CKAP5: variants seen among roughly 807,000 people sequenced by gnomAD.
CKAP5 encodes the protein cytoskeleton associated protein 5, also known as cytoskeleton-associated protein 5.
A neutral mutation model predicts 232.8 loss-of-function variants in CKAP5; 27 were observed. The observed-to-expected ratio is 0.12, with a 90% CI of 0.09 to 0.16. The LOEUF (loss-of-function observed/expected upper bound fraction) is 0.16, where lower values mean the gene tolerates loss of function less well. Ranked by LOEUF, CKAP5 falls within the 10% of genes least tolerant of loss-of-function variation. The probability of loss-of-function intolerance (pLI) is 1.00; values close to 1 mark genes in which losing one functional copy is unlikely to be tolerated. For missense variants in CKAP5, 1,838 were observed against 2,424.7 expected (o/e 0.76, Z 5.08); for synonymous variants, 785 against 841.1 (o/e 0.93, Z 1.16).
intron 14 of CKAP5, 29 bp from the exon 15 acceptor site, chr11:46,790,215 A>C: frequency 6.8e-7 from 1 of 1,470,252 alleles, no homozygotes; most frequent in Non-Finnish European, 9.5e-7. Context: ...TATTAGAATT[A>C]GGAATTGCTT....
At chr11:46,775,687 C>T (rs774431233) in intron 24 of CKAP5, among the ~76,000 whole-genome samples, 23 of 152,022 alleles carry the variant, frequency 1.5e-4, no homozygotes, top group Non-Finnish European at 2.9e-4. Flanking sequence ...ATTGATGAAG[C>T]TGGAAACCGT....
chr11:46,776,621 CAG>C (rs1252531382), intron 23 of CKAP5, among the ~76,000 whole-genome samples: 8 of 152,132 alleles, frequency 5.3e-5, no homozygotes, highest in African/African-American at 1.9e-4. Context: ...TCAGGCAAAA[CAG>C]TGAGTGATCT....
At chr11:46,745,305 A>T (rs1264478313) in intron 42 of CKAP5, among the ~76,000 whole-genome samples, 1 of 152,210 alleles carries the variant, frequency 6.6e-6, no homozygotes, top group Non-Finnish European at 1.5e-5. Flanking sequence ...AGAAAAGTAG[A>T]AAGGTTACTC....
At chr11:46,795,026 G>A (rs988843695) in intron 13 of CKAP5, among the ~76,000 whole-genome samples, 12 of 151,898 alleles carry the variant, frequency 7.9e-5, no homozygotes, top group Non-Finnish European at 1.2e-4. Flanking sequence ...TTAATGAACT[G>A]CACATTAAAA....
intron 2 of CKAP5, 156 bp downstream of exon 2, chr11:46,821,019 G>T: frequency 3.5e-6 from 2 of 568,090 alleles, no homozygotes; most frequent in South Asian, 2.5e-5. Context: ...TTGAGCTACA[G>T]AAACCTATTT....
chr11:46,807,472 C>G (rs1312846014), intron 8 of CKAP5, among the ~76,000 whole-genome samples: 1 of 152,316 alleles, frequency 6.6e-6, no homozygotes, highest in East Asian at 1.9e-4. Flanking sequence ...GCACTATAAT[C>G]ATATCCACAG....
At chr11:46,791,352 C>G (rs946366118) in intron 13 of CKAP5, among the ~76,000 whole-genome samples, 1 of 149,338 alleles carries the variant, frequency 6.7e-6, no homozygotes, top group African/African-American at 2.5e-5. Context: ...TGGGCTTAAG[C>G]GAGCCTCCCA....
rs1235711476 is a variant in CKAP5, at chr11:46,842,442, AT to A, written c.-38+3777del. Among the ~76,000 whole-genome samples the A allele has an allele frequency of 4.6e-5, 7 of 152,204 alleles. No homozygotes were observed. In the East Asian group the frequency reaches 7.7e-4, roughly 17 times the overall value. ...GATGACTAGGACATTTACCCTCTGA[AT>A]ATGCCCACTACCCAGTCATGGTAAA... On this transcript the variant is annotated intron_variant, in intron 1 of 43. Transcript: ENST00000529230.
At chr11:46,829,513 C>A (rs7118357) in intron 1 of CKAP5, among the ~76,000 whole-genome samples, 6,625 of 152,200 alleles carry the variant, frequency 0.044, 480 homozygotes, top group African/African-American at 0.15. Context: ...CCACCCTGAA[C>A]GATGGAGCGA....
chr11:46,769,609 A>T (rs1475564139), intron 26 of CKAP5, among the ~76,000 whole-genome samples: 1 of 151,994 alleles, frequency 6.6e-6, no homozygotes, highest in Non-Finnish European at 1.5e-5. Context: ...GGCAGAAGGA[A>T]CACTTGAGCC....
rs375980107 is a variant in CKAP5, at chr11:46,744,006, G to A, written c.*17C>T. The A allele has an allele frequency of 1.1e-5, 17 of 1,611,874 alleles. No homozygotes were observed. Among genetic ancestry groups the A allele is most frequent in the Admixed American group, 5.0e-5 (3 of 59,968 alleles). Reference sequence around the variant, plus strand: ...TAGTAAACTAAAGCTGCAGGGTGCCGGGGGAGTGGGGCAGCTTCATTTGCG... The same window carrying A: ...TAGTAAACTAAAGCTGCAGGGTGCCAGGGGAGTGGGGCAGCTTCATTTGCG... On this transcript the variant is annotated 3_prime_UTR_variant, in exon 44 of 44. Coordinates refer to ENST00000529230, the MANE Select transcript of CKAP5 (RefSeq NM_001008938.4).
At chr11:46,828,696 T>A (rs143817333) in intron 1 of CKAP5, among the ~76,000 whole-genome samples, 1 of 152,352 alleles carries the variant, frequency 6.6e-6, no homozygotes, top group East Asian at 1.9e-4. Flanking sequence ...CCCTGTGCTG[T>A]GCTTATGAGC....
chr11:46,844,579 G>A (rs200136123), intron 1 of CKAP5, among the ~76,000 whole-genome samples: 1 of 152,182 alleles, frequency 6.6e-6, no homozygotes, highest in African/African-American at 2.4e-5. Flanking sequence ...TAAAGTAAAA[G>A]GCATGTTAAT....
At chr11:46,798,689 GGC>G (rs1470964751) in intron 9 of CKAP5, among the ~76,000 whole-genome samples, 2 of 152,136 alleles carry the variant, frequency 1.3e-5, no homozygotes, top group Admixed American at 6.6e-5. Context: ...TAGAGTCAAG[GGC>G]AGGGAGCAGC....
chr11:46,751,325 C>G (rs763046677), intron 39 of CKAP5, 21 bp downstream of exon 39: 1 of 1,613,900 alleles, frequency 6.2e-7, no homozygotes, highest in South Asian at 1.1e-5. Context: ...CCCTCAGAGA[C>G]CAGTTGCGAT....
chr11:46,843,980 GGAAGCT>G (rs1275974268), intron 1 of CKAP5, among the ~76,000 whole-genome samples: 1 of 152,044 alleles, frequency 6.6e-6, no homozygotes, highest in Non-Finnish European at 1.5e-5. Context: ...CAACACTTTG[GGAAGCT>G]GAGGCGGGTG....
chr11:46,809,570 T>A, intron 6 of CKAP5, 70 bp from the exon 7 acceptor site: 1 of 1,371,976 alleles, frequency 7.3e-7, no homozygotes, highest in East Asian at 2.3e-5. Flanking sequence ...TATCAGTCCT[T>A]TCACAACCCT....
At chr11:46,762,485 C>A in intron 31 of CKAP5, 142 bp downstream of exon 31, 1 of 1,063,566 alleles carries the variant, frequency 9.4e-7, no homozygotes, top group Non-Finnish European at 1.5e-6. Context: ...CAGTGTGCAA[C>A]TCATCACTCT....
chr11:46,768,194 G>C (rs1444799947), intron 26 of CKAP5, among the ~76,000 whole-genome samples: 1 of 152,036 alleles, frequency 6.6e-6, no homozygotes, highest in Admixed American at 6.5e-5. Context: ...CATTTAAACT[G>C]TAGTTTCATT....
Sources: allele counts gnomAD v4.1 joint callset (sites outside exome capture counted in the v4.1 genomes callset), GRCh38; gene constraint gnomAD v4.1.1; transcripts MANE v1.5; gene names NCBI Gene and HGNC (gene_info 2026-07-23, HGNC 2026-07-21).